Variants in STAC observed in about 807,000 individuals in gnomAD.
The protein encoded by STAC is SH3 and cysteine rich domain, also known as SH3 and cysteine-rich domain-containing protein.
In STAC, 43 loss-of-function variants were observed where a neutral mutation model predicts 48.8. The observed-to-expected ratio is 0.88, with a 90% CI of 0.69 to 1.14. The LOEUF (loss-of-function observed/expected upper bound fraction) is 1.14, where lower values mean the gene tolerates loss of function less well. Ranked by LOEUF, STAC falls within the 50% of genes most tolerant of loss-of-function variation. The pLI is 0.00. For synonymous variants in STAC, 193 were observed against 179.5 expected (o/e 1.07, Z -0.60); for missense variants, 497 against 504.0 (o/e 0.99, Z 0.13).
At chr3:36,421,502 G>T (rs1304496591) in intron 1 of STAC, among the ~76,000 whole-genome samples, 3 of 151,934 alleles carry the variant, frequency 2.0e-5, no homozygotes, top group African/African-American at 7.3e-5. Flanking sequence ...ACTTTAACAT[G>T]CTGGTAGGAA....
chr3:36,398,648 A>G (rs568195418), intron 1 of STAC, among the ~76,000 whole-genome samples: 4 of 115,714 alleles, frequency 3.5e-5, no homozygotes, highest in South Asian at 2.8e-4. Flanking sequence ...GAAAGAAAGA[A>G]AGAGAAAGAA....
intron 6 of STAC, among the ~76,000 whole-genome samples, chr3:36,496,224 A>T (rs114857310): frequency 6.6e-6 from 1 of 152,180 alleles, no homozygotes; most frequent in South Asian, 2.1e-4. Context: ...TTTCTCTACA[A>T]TGCACCCTGA....
chr3:36,484,828 A>G, intron 3 of STAC, 149 bp from the exon 4 acceptor site: 1 of 529,424 alleles, frequency 1.9e-6, no homozygotes, highest in Non-Finnish European at 3.3e-6. Flanking sequence ...GCTGGGATTA[A>G]ATTGTGGAAT....
intron 2 of STAC, among the ~76,000 whole-genome samples, chr3:36,444,994 T>C (rs865822285): frequency 6.6e-6 from 1 of 152,212 alleles, no homozygotes; most frequent in Non-Finnish European, 1.5e-5. Context: ...TGAATCTGTG[T>C]CACTTTCAAT....
chr3:36,412,844 C>T (rs1700228029), intron 1 of STAC, among the ~76,000 whole-genome samples: 1 of 152,100 alleles, frequency 6.6e-6, no homozygotes, highest in Non-Finnish European at 1.5e-5. Context: ...TGGGATATCA[C>T]TATCTTTGCT....
At position 36,507,658 on chromosome 3, in the gene STAC, G is replaced by A. The variant is rs952623062; in HGVS notation, c.920+1824G>A. 5.3e-5 allele frequency among the ~76,000 whole-genome samples: 8 copies of A among 152,156 alleles called. No individual in the cohort carries two copies. In the East Asian group the frequency reaches 1.5e-3, roughly 29 times the overall value. ...GATTTAGTCTTGGGAGGGTGTATGT[G>A]TCCAGGAATTTATCCATTTCTTCTA... On this transcript the variant is annotated intron_variant, in intron 8 of 10. Coordinates refer to ENST00000273183, the MANE Select transcript of STAC (RefSeq NM_003149.3).
At chr3:36,451,470 A>T (rs1053730868) in intron 2 of STAC, among the ~76,000 whole-genome samples, 1 of 106,810 alleles carries the variant, frequency 9.4e-6, no homozygotes, top group Non-Finnish European at 1.9e-5. Flanking sequence ...CATACTTTTG[A>T]TTGAGAATAA....
At chr3:36,529,650 T>C (rs895747725) in intron 10 of STAC, among the ~76,000 whole-genome samples, 1 of 152,166 alleles carries the variant, frequency 6.6e-6, no homozygotes, top group Non-Finnish European at 1.5e-5. Flanking sequence ...AGCTCCACCA[T>C]CTCATGGCTG....
chr3:36,431,432 T>C (rs1700702256), intron 1 of STAC, among the ~76,000 whole-genome samples: 1 of 152,232 alleles, frequency 6.6e-6, no homozygotes, highest in Non-Finnish European at 1.5e-5. Context: ...GCATGACTCC[T>C]ACCTGAGGAG....
intron 8 of STAC, among the ~76,000 whole-genome samples, chr3:36,511,741 C>T (rs1559519958): frequency 6.6e-6 from 1 of 152,130 alleles, no homozygotes; most frequent in Admixed American, 6.6e-5. Flanking sequence ...CTGGGCTTTC[C>T]CAATTCTTCT....
chr3:36,443,153 C>A lies in STAC; in HGVS notation c.112-211C>A, dbSNP rs1696403718. 6.6e-6 allele frequency among the ~76,000 whole-genome samples: 1 copy of A among 152,136 alleles called. No individual in the cohort carries two copies. Among genetic ancestry groups the A allele is most frequent in the South Asian group, 2.1e-4 (1 of 4,818 alleles). On this transcript the variant is annotated intron_variant, in intron 1 of 10. Transcript: ENST00000273183. This position sits in a 1 kb window ranked among gnomAD's most constrained non-coding sequence, Gnocchi z 4.2. ...ATCAAAGGCAAAATAGGACCTCTTT[C>A]TGCTCATCTGGCTTAGTGGCAGGGG...
intron 5 of STAC, among the ~76,000 whole-genome samples, chr3:36,489,887 G>A (rs1017480725): frequency 1.3e-5 from 2 of 152,226 alleles, no homozygotes; most frequent in Non-Finnish European, 2.9e-5. Context: ...TTCTCAGTGT[G>A]TGGTCTCCGG....
rs867974378 is a variant in STAC at position 36,544,617 on chromosome 3, T to G, written c.1111-1574T>G. On this transcript the variant is annotated intron_variant, in intron 10 of 10. Transcript: ENST00000273183. ...ATCACCTAGGTCATCTGGTACTATG[T>G]TGGGCATGTATTTATTTATTTATTT... Among the ~76,000 whole-genome samples the G allele has an allele frequency of 5.3e-5, 8 of 152,316 alleles. No homozygotes were observed. The Middle Eastern group carries it at 0.017, about 324-fold the overall frequency.
Position 36,453,366 on chromosome 3 carries a change from G to A in STAC, c.388+9726G>A, listed in dbSNP as rs4626042. On this transcript the variant is annotated intron_variant, in intron 2 of 10. Transcript: ENST00000273183. ...GGAGGGAGAGGCGTGGGCGGGAACC[G>A]GGGCTGCGCGCGGTGCTTGCGGGCC... 5.3e-5 allele frequency among the ~76,000 whole-genome samples: 8 copies of A among 152,278 alleles called. No individual in the cohort carries two copies. In the East Asian group the frequency reaches 1.6e-3, roughly 30 times the overall value.
At chr3:36,473,178 T>C (rs1471550195) in intron 2 of STAC, among the ~76,000 whole-genome samples, 1 of 152,176 alleles carries the variant, frequency 6.6e-6, no homozygotes, top group African/African-American at 2.4e-5. Flanking sequence ...ACTTATTCAC[T>C]ATCACAAGAA....
chr3:36,422,070 T>C (rs1700462864), intron 1 of STAC, among the ~76,000 whole-genome samples: 1 of 152,120 alleles, frequency 6.6e-6, no homozygotes, highest in Non-Finnish European at 1.5e-5. Flanking sequence ...TCATTTTATG[T>C]TTCAGAAGTT....
chr3:36,547,531 T>A lies in STAC; in HGVS notation c.*1242T>A, dbSNP rs923764896. ...AAGCCTCCTAGCATTCAAACTTCCA[T>A]CCTATTAGTCATTAACATGGTTAAA... On this transcript the variant is annotated 3_prime_UTR_variant, in exon 11 of 11. Coordinates refer to ENST00000273183, the MANE Select transcript of STAC (RefSeq NM_003149.3). The A allele has an allele frequency of 6.6e-6, 1 of 152,636 alleles. No homozygotes were observed. The highest frequency in any genetic ancestry group is 1.9e-4 in the East Asian group (1 of 5,190). The allele number at this position is 152,636 out of a possible 1,614,324, so 9.5% of individuals were successfully genotyped here.
chr3:36,440,517 T>C (rs1318159996), intron 1 of STAC, among the ~76,000 whole-genome samples: 1 of 152,172 alleles, frequency 6.6e-6, no homozygotes, highest in Non-Finnish European at 1.5e-5. Context: ...ATTGGGCAGT[T>C]TGGTAGGTTT....
chr3:36,474,971 T>G (rs1461301699), intron 2 of STAC, among the ~76,000 whole-genome samples: 1 of 152,210 alleles, frequency 6.6e-6, no homozygotes, highest in Non-Finnish European at 1.5e-5. Flanking sequence ...TTCAAGTTTC[T>G]GACTTCTCAT....
Sources: allele counts gnomAD v4.1 joint callset (sites outside exome capture counted in the v4.1 genomes callset), GRCh38; gene constraint gnomAD v4.1.1; non-coding constraint Gnocchi (gnomAD v3.1); transcripts MANE v1.5; gene names NCBI Gene and HGNC (gene_info 2026-07-23, HGNC 2026-07-21).